Variants in ANKRD31 observed in about 807,000 individuals in gnomAD.
The protein encoded by ANKRD31 is ankyrin repeat domain-containing protein 31.
Under a neutral mutation model 186.0 loss-of-function variants are expected in ANKRD31, and 147 were observed. The observed-to-expected ratio is 0.79, with a 90% CI of 0.69 to 0.91. The LOEUF is 0.91. Among genes scored for constraint, ANKRD31 ranks in the 40% least tolerant of loss-of-function variants. The probability of loss-of-function intolerance (pLI) is 0.00; values close to 1 mark genes in which losing one functional copy is unlikely to be tolerated. For synonymous variants in ANKRD31, 673 were observed against 736.4 expected (o/e 0.91, Z 1.39); for missense variants, 1,986 against 2,148.8 (o/e 0.92, Z 1.50).
At chr5:75,103,696 G>A (rs1747094830) in intron 22 of ANKRD31, among the ~76,000 whole-genome samples, 1 of 152,204 alleles carries the variant, frequency 6.6e-6, no homozygotes, top group Non-Finnish European at 1.5e-5. Context: ...CATGTCCTCT[G>A]CAGAGACATG....
intron 17 of ANKRD31, among the ~76,000 whole-genome samples, chr5:75,128,223 A>G (rs1391983164): frequency 6.6e-6 from 1 of 150,800 alleles, no homozygotes; most frequent in African/African-American, 2.4e-5. Context: ...ACACATGGAC[A>G]CAGGGAGGGG....
chr5:75,168,556 C>T (rs1191881101), intron 11 of ANKRD31, among the ~76,000 whole-genome samples: 1 of 152,072 alleles, frequency 6.6e-6, no homozygotes, highest in Non-Finnish European at 1.5e-5. Flanking sequence ...GATCATTAAG[C>T]TGAACTGATC....
At chr5:75,210,939 TTAAAG>T in intron 3 of ANKRD31, 74 bp from the exon 4 acceptor site, 1 of 1,033,462 alleles carries the variant, frequency 9.7e-7, no homozygotes, top group Non-Finnish European at 1.4e-6. Flanking sequence ...AAATTAACAT[TTAAAG>T]TAATTTTTGT....
intron 23 of ANKRD31, among the ~76,000 whole-genome samples, chr5:75,087,345 A>G (rs1745577673): frequency 1.3e-5 from 2 of 152,038 alleles, no homozygotes; most frequent in African/African-American, 4.8e-5. Flanking sequence ...CGTCTCTACT[A>G]AAAATACAAA....
Position 75,146,250 on chromosome 5 carries a change from A to G in ANKRD31, c.3161T>C (p.Val1054Ala). 2 of 1,536,406 alleles carry G rather than the reference A, an allele frequency of 1.3e-6. No individual in the cohort carries two copies. Among genetic ancestry groups the G allele is most frequent in the South Asian group, 2.4e-5 (2 of 84,032 alleles). ...GTCACAATTCTTTGCCATCTTTTCCACAATATGTGTATCTGTTTGATTCAT... is the reference window on the plus strand; with the variant it reads ...GTCACAATTCTTTGCCATCTTTTCCGCAATATGTGTATCTGTTTGATTCAT... ...FLMNQTDTHI[V>A]EKMAKNCDTE... is the part of the protein sequence containing the mutation. Residue 1054 changes from valine (V) to alanine (A), a missense_variant, in exon 14 of 26, where the codon GTG (valine) becomes GCG (alanine). By Grantham distance (64) the Val-to-Ala change is moderately conservative (BLOSUM62 0). Coordinates refer to ENST00000506364, the MANE Select transcript of ANKRD31 (RefSeq NM_001372053.1).
At position 75,117,475 on chromosome 5, in the gene ANKRD31, G is replaced by T. The variant is rs142315041; in HGVS notation, c.4039+660C>A. On this transcript the variant is annotated intron_variant, in intron 18 of 25. Coordinates refer to ENST00000506364, the MANE Select transcript of ANKRD31 (RefSeq NM_001372053.1). ...CACAATGAATATCCTTAGCTCTGAC[G>T]AATTATATCGGTAATTCTTCCTTGG... is the stretch of plus-strand genomic sequence containing the variant. Among the ~76,000 whole-genome samples, 150 of 152,180 alleles carry T rather than the reference G, an allele frequency of 9.9e-4. 1 individual carries two copies. Among genetic ancestry groups the T allele is most frequent in the African/African-American group, 3.5e-3 (145 of 41,510 alleles).
intron 7 of ANKRD31, 51 bp downstream of exon 7, chr5:75,195,580 C>T (rs1755406013): frequency 1.4e-6 from 2 of 1,411,218 alleles, no homozygotes; most frequent in South Asian, 2.9e-5. Context: ...GCTCAGCTAA[C>T]TTGGAACCAT....
chr5:75,176,096 T>A (rs1304756670), intron 10 of ANKRD31, among the ~76,000 whole-genome samples: 1 of 152,164 alleles, frequency 6.6e-6, no homozygotes, highest in Non-Finnish European at 1.5e-5. Context: ...ATCCCGCACA[T>A]GGCTCAGAGG....
At chr5:75,192,569 T>C in intron 9 of ANKRD31, 98 bp downstream of exon 9, 1 of 955,196 alleles carries the variant, frequency 1.0e-6, no homozygotes, top group Non-Finnish European at 1.5e-6. Context: ...AGTTTCCTCA[T>C]CAGCAAAATT....
chr5:75,210,245 C>G (rs1029983588), intron 4 of ANKRD31, among the ~76,000 whole-genome samples: 1 of 152,186 alleles, frequency 6.6e-6, no homozygotes, highest in Non-Finnish European at 1.5e-5. Context: ...ATGATCTCAG[C>G]TCATTGCAAC....
intron 25 of ANKRD31, among the ~76,000 whole-genome samples, chr5:75,074,644 AAAT>A (rs138614716): frequency 0.15 from 22,234 of 152,208 alleles, 1,840 homozygotes; most frequent in South Asian, 0.37. Context: ...CTGGTTGACA[AAAT>A]AATCTGTACA....
chr5:75,137,588 G>A (rs1750692767), intron 17 of ANKRD31, among the ~76,000 whole-genome samples: 1 of 152,018 alleles, frequency 6.6e-6, no homozygotes, highest in Admixed American at 6.6e-5. Context: ...AAAATATAAT[G>A]TATTAGATTT....
intron 16 of ANKRD31, 141 bp downstream of exon 16, chr5:75,138,705 C>G: frequency 1.2e-6 from 1 of 841,222 alleles, no homozygotes; most frequent in South Asian, 2.5e-5. Context: ...TTCAACTAAA[C>G]ACTAATATAA....
intron 3 of ANKRD31, among the ~76,000 whole-genome samples, chr5:75,213,168 C>T (rs1308025104): frequency 6.6e-6 from 1 of 152,110 alleles, no homozygotes; most frequent in African/African-American, 2.4e-5. Flanking sequence ...TAAGAAATGT[C>T]GAGAGACAAA....
Position 75,084,335 on chromosome 5 carries a change from C to G in ANKRD31, c.5512G>C (p.Glu1838Gln). 1 of 1,537,100 alleles carries G rather than the reference C, an allele frequency of 6.5e-7. No homozygotes were observed. Among genetic ancestry groups the G allele is most frequent in the Non-Finnish European group, 8.7e-7 (1 of 1,146,850 alleles). ...LGKELLRYVSEDAPILPEPNS... is the reference protein window; with the variant it reads ...LGKELLRYVSQDAPILPEPNS... ...GGTTCTGGAAGTATGGGTGCATCCT[C>G]AGAAACATACCTTAAAAGCTCCTTC... is the stretch of plus-strand genomic sequence containing the variant. Residue 1838 changes from glutamate to glutamine, a missense_variant, in exon 24 of 26, where the codon GAG (glutamate) becomes CAG (glutamine). Physicochemically the swap from Glu to Gln is conservative, Grantham distance 29. Coordinates refer to ENST00000506364, the MANE Select transcript of ANKRD31 (RefSeq NM_001372053.1).
chr5:75,149,899 T>C (rs1454033717), intron 12 of ANKRD31, among the ~76,000 whole-genome samples: 1 of 151,912 alleles, frequency 6.6e-6, no homozygotes, highest in African/African-American at 2.4e-5. Flanking sequence ...GCAAGGGACA[T>C]GGTTCCTAAG....
intron 1 of ANKRD31, among the ~76,000 whole-genome samples, chr5:75,231,472 C>T (rs1757946758): frequency 2.0e-5 from 3 of 152,072 alleles, no homozygotes; most frequent in Admixed American, 6.5e-5. Flanking sequence ...CCCCAAGAAG[C>T]TCCAAATCTA....
At chr5:75,102,569 G>A (rs1746991549) in intron 22 of ANKRD31, among the ~76,000 whole-genome samples, 1 of 152,208 alleles carries the variant, frequency 6.6e-6, no homozygotes, top group South Asian at 2.1e-4. Flanking sequence ...TTGAGCTGTG[G>A]TGGCCTCCAC....
intron 11 of ANKRD31, among the ~76,000 whole-genome samples, chr5:75,158,634 A>T (rs1485943336): frequency 1.3e-5 from 2 of 152,032 alleles, no homozygotes; most frequent in East Asian, 1.9e-4. Context: ...AGTAAAAATA[A>T]TTTTTTAAAA....
Sources: allele counts gnomAD v4.1 joint callset (sites outside exome capture counted in the v4.1 genomes callset), GRCh38; gene constraint gnomAD v4.1.1; transcripts MANE v1.5; gene names NCBI Gene and HGNC (gene_info 2026-07-23, HGNC 2026-07-21).